SUCLG2: variants seen among roughly 807,000 people sequenced by gnomAD.
SUCLG2 encodes the protein succinate--CoA ligase [GDP-forming] subunit beta, mitochondrial.
A neutral mutation model predicts 47.9 loss-of-function variants in SUCLG2; 42 were observed. The ratio of observed to expected loss-of-function variants is 0.88; its 90% CI spans 0.69 to 1.14. SUCLG2 has a LOEUF of 1.14. Among genes scored for constraint, SUCLG2 ranks in the 50% most tolerant of loss-of-function variants. The pLI, the probability that SUCLG2 is intolerant of heterozygous loss-of-function variation, is 0.00. For missense variants in SUCLG2, 571 were observed against 525.9 expected, an observed-to-expected ratio of 1.09 and a Z score of -0.84; for synonymous variants, 195 against 197.3, an observed-to-expected ratio of 0.99 and a Z score of 0.10.
rs75052146 is a variant in SUCLG2 at position 67,595,424 on chromosome 3, G to A, written c.226+14031C>T. ...ACCCCAAGAAGGGAAGACACAGAAC[G>A]TCAGCCAGGCCTCAAGCAGGAAAGG... is the stretch of plus-strand genomic sequence containing the variant. On this transcript the variant is annotated intron_variant, in intron 2 of 10. Transcript: ENST00000307227. Among the ~76,000 whole-genome samples, 1,413 of 152,240 alleles carry A rather than the reference G, an allele frequency of 9.3e-3. 25 individuals are homozygous for A. The highest frequency in any genetic ancestry group is 0.032 in the African/African-American group (1,328 of 41,544).
At chr3:67,432,983 T>A (rs1224194907) in intron 9 of SUCLG2, among the ~76,000 whole-genome samples, 7 of 152,250 alleles carry the variant, frequency 4.6e-5, no homozygotes, top group Admixed American at 2.0e-4. Flanking sequence ...TCGAGCTTCC[T>A]GATCTTAAAA....
chr3:67,496,712 C>T (rs566263842), intron 8 of SUCLG2, among the ~76,000 whole-genome samples: 1 of 151,928 alleles, frequency 6.6e-6, no homozygotes, highest in Non-Finnish European at 1.5e-5. Flanking sequence ...TATCAAAAGT[C>T]TTGTTTTCCA....
downstream of SUCLG2, among the ~76,000 whole-genome samples, chr3:67,374,038 A>AT (rs1333067123): frequency 6.6e-6 from 1 of 152,204 alleles, no homozygotes; most frequent in Non-Finnish European, 1.5e-5. Flanking sequence ...AAACATCAAT[A>AT]TTTACAAGTG....
At chr3:67,431,851 G>A (rs1017615645) in intron 9 of SUCLG2, among the ~76,000 whole-genome samples, 4 of 152,158 alleles carry the variant, frequency 2.6e-5, no homozygotes, top group Admixed American at 6.5e-5. Context: ...AAACCTGCAC[G>A]TTGTGCACAT....
rs1702023167 is a variant in SUCLG2 at position 67,375,762 on chromosome 3, G to A, written c.1281C>T (p.Ala427=). The A allele has an allele frequency of 6.2e-7, 1 of 1,613,414 alleles. No homozygotes were observed. Among genetic ancestry groups the A allele is most frequent in the Non-Finnish European group, 8.5e-7 (1 of 1,179,830 alleles). The change falls in exon 11 of 11, where the codon GCC becomes GCT. Residue 427 remains alanine (A), a synonymous_variant. Transcript: ENST00000307227. ...DLEDAAKKAV[A]SVAKK is the part of the protein sequence containing the mutation. Reference sequence around the variant, plus strand: ...AAAGACATCACTTCTTGGCCACACTGGCCACAGCCTTCTTGGCTGCATCCT... The same window carrying A: ...AAAGACATCACTTCTTGGCCACACTAGCCACAGCCTTCTTGGCTGCATCCT...
At chr3:67,401,061 A>ACAATATAACACAAT (rs1702674046) in intron 9 of SUCLG2, among the ~76,000 whole-genome samples, 3 of 152,214 alleles carry the variant, frequency 2.0e-5, no homozygotes, top group Non-Finnish European at 4.4e-5. Context: ...TAACATTACC[A>ACAATATAACACAAT]AATTTTCCCA....
At chr3:67,597,357 G>C (rs1234008010) in intron 2 of SUCLG2, among the ~76,000 whole-genome samples, 1 of 152,166 alleles carries the variant, frequency 6.6e-6, no homozygotes, top group Admixed American at 6.5e-5. Flanking sequence ...GTATACACCA[G>C]AAGTCCTGCT....
downstream of SUCLG2, among the ~76,000 whole-genome samples, chr3:67,372,694 G>C (rs1043599184): frequency 2.0e-5 from 3 of 152,034 alleles, no homozygotes; most frequent in African/African-American, 7.2e-5. Context: ...GCTCTCACAG[G>C]GTTTAAAATG....
chr3:67,386,985 ATC>A (rs1559506459), intron 10 of SUCLG2, among the ~76,000 whole-genome samples: 1 of 152,006 alleles, frequency 6.6e-6, no homozygotes, highest in Admixed American at 6.6e-5. Flanking sequence ...CTCTCTTTGT[ATC>A]TCTTTCTTCT....
chr3:67,383,127 C>T (rs139417954), intron 10 of SUCLG2, among the ~76,000 whole-genome samples: 426 of 152,310 alleles, frequency 2.8e-3, no homozygotes, highest in African/African-American at 9.6e-3. Flanking sequence ...TACCTAGCAC[C>T]GTGCTTGGCA....
At chr3:67,420,994 G>C (rs528564350) in intron 9 of SUCLG2, among the ~76,000 whole-genome samples, 1 of 152,118 alleles carries the variant, frequency 6.6e-6, no homozygotes, top group Non-Finnish European at 1.5e-5. Context: ...TTTATTAAGG[G>C]TGTTAGTCTG....
intron 9 of SUCLG2, among the ~76,000 whole-genome samples, chr3:67,469,183 G>C (rs1351537003): frequency 2.0e-5 from 3 of 152,178 alleles, no homozygotes; most frequent in Admixed American, 6.5e-5. Context: ...TTGGGCATGG[G>C]CTAGCTCATA....
chr3:67,408,779 A>C (rs1378602802), intron 9 of SUCLG2: 1 of 1,354,554 alleles, frequency 7.4e-7, no homozygotes, highest in East Asian at 2.7e-5. Context: ...ATGTATTATA[A>C]CTTTCCCTGG....
chr3:67,379,814 T>C (rs1160503333), intron 10 of SUCLG2, among the ~76,000 whole-genome samples: 1 of 152,244 alleles, frequency 6.6e-6, no homozygotes, highest in Admixed American at 6.5e-5. Flanking sequence ...CACCTCCCCA[T>C]GCCCCAACTA....
chr3:67,628,851 A>C (rs929469482), intron 1 of SUCLG2, among the ~76,000 whole-genome samples: 1 of 152,178 alleles, frequency 6.6e-6, no homozygotes, highest in Non-Finnish European at 1.5e-5. Context: ...TGCAGTGTGA[A>C]AATGAACTAA....
intron 2 of SUCLG2, among the ~76,000 whole-genome samples, chr3:67,609,141 A>G (rs1700481948): frequency 2.0e-5 from 3 of 152,158 alleles, no homozygotes. Context: ...ATTCTCCTAC[A>G]CCCAGGCCAT....
intron 2 of SUCLG2, among the ~76,000 whole-genome samples, chr3:67,541,919 A>T (rs2107176120): frequency 6.7e-6 from 1 of 150,168 alleles, no homozygotes; most frequent in Non-Finnish European, 1.5e-5. Flanking sequence ...CCCAGGCTGG[A>T]GTGCAATGGT....
intron 10 of SUCLG2, among the ~76,000 whole-genome samples, chr3:67,383,196 A>G (rs1702195047): frequency 6.6e-6 from 1 of 152,242 alleles, no homozygotes; most frequent in Non-Finnish European, 1.5e-5. Flanking sequence ...GGTTTAGATA[A>G]TAATAAGGAT....
chr3:67,466,190 C>T (rs565242850), intron 9 of SUCLG2, among the ~76,000 whole-genome samples: 4 of 152,076 alleles, frequency 2.6e-5, no homozygotes, highest in South Asian at 2.1e-4. Flanking sequence ...CCGTCTCTAT[C>T]GAAAATACAA....
Sources: gnomAD v4.1 joint callset for allele counts (sites outside exome capture counted in the v4.1 genomes callset) on GRCh38, gnomAD v4.1.1 for gene constraint, MANE v1.5 for transcripts, NCBI Gene and HGNC (gene_info 2026-07-23, HGNC 2026-07-21) for gene names.